Variants in ARGLU1 observed in about 807,000 individuals in gnomAD.
ARGLU1 encodes arginine and glutamate rich 1, also known as arginine and glutamate-rich protein 1.
Under a neutral mutation model 37.6 loss-of-function variants are expected in ARGLU1, and 9 were observed. That is an observed-to-expected ratio of 0.24 (90% confidence interval 0.14 to 0.42). The LOEUF (loss-of-function observed/expected upper bound fraction) is 0.42, where lower values mean the gene tolerates loss of function less well. Ranked by LOEUF, ARGLU1 falls within the 10% of genes least tolerant of loss-of-function variation. The pLI, the probability that ARGLU1 is intolerant of heterozygous loss-of-function variation, is 1.00. For synonymous variants in ARGLU1, 166 were observed against 138.5 expected (o/e 1.20, Z -1.39); for missense variants, 211 against 359.2 (o/e 0.59, Z 3.34).
chr13:106,556,043 A>G (rs940231548), intron 3 of ARGLU1, among the ~76,000 whole-genome samples: 2 of 152,098 alleles, frequency 1.3e-5, no homozygotes, highest in African/African-American at 4.8e-5. Context: ...TCTTCTTCCT[A>G]TCTGCACTGA....
chr13:106,558,024 T>C, intron 2 of ARGLU1: 8 of 985,334 alleles, frequency 8.1e-6, no homozygotes, highest in Non-Finnish European at 9.6e-6. Context: ...GCAAACTGTA[T>C]GAAGACTGCT....
chr13:106,562,247 AATTTTAAAT>A (rs1880826465), intron 1 of ARGLU1, among the ~76,000 whole-genome samples: 2 of 152,182 alleles, frequency 1.3e-5, no homozygotes, highest in African/African-American at 4.8e-5. Context: ...ATCAGAAAAA[AATTTTAAAT>A]CAAATTTTAG....
chr13:106,555,081 G>C (rs1880629756), intron 3 of ARGLU1, among the ~76,000 whole-genome samples: 1 of 151,788 alleles, frequency 6.6e-6, no homozygotes, highest in Non-Finnish European at 1.5e-5. Flanking sequence ...CTCTGGGCCA[G>C]GAGCGGTGGC....
At chr13:106,544,962 C>T (rs1167423730) in intron 3 of ARGLU1, among the ~76,000 whole-genome samples, 3 of 152,216 alleles carry the variant, frequency 2.0e-5, no homozygotes, top group South Asian at 2.1e-4. Context: ...ACTTCTTTCC[C>T]GCATTCTTCC....
chr13:106,567,080 T>C lies in ARGLU1; in HGVS notation c.347+493A>G, dbSNP rs187337139. Reference sequence around the variant, plus strand: ...ACCTAAAGTGTATGATTCCCGAGATTAGTTAAGTCCTGTCCCAAATTTGAG... The same window carrying C: ...ACCTAAAGTGTATGATTCCCGAGATCAGTTAAGTCCTGTCCCAAATTTGAG... On this transcript the variant is annotated intron_variant, in intron 1 of 3. Transcript: ENST00000400198. This position sits in a 1 kb window ranked among gnomAD's most constrained non-coding sequence, Gnocchi z 4.3. Among the ~76,000 whole-genome samples the C allele has an allele frequency of 5.3e-4, 80 of 152,198 alleles. No individual in the cohort carries two copies. The highest frequency in any genetic ancestry group is 9.9e-4 in the Non-Finnish European group (67 of 68,012).
rs59373729 is a variant in ARGLU1, at chr13:106,561,424, T to TACACAC, written c.348-1773_348-1768dup. Among the ~76,000 whole-genome samples the TACACAC allele has an allele frequency of 3.5e-3, 522 of 147,964 alleles. 2 individuals are homozygous for TACACAC. Among genetic ancestry groups the TACACAC allele is most frequent in the African/African-American group, 8.2e-3 (329 of 40,046 alleles). On this transcript the variant is annotated intron_variant, in intron 1 of 3. Transcript: ENST00000400198. ...TATGTAAATTTCTCATAATAAAGTG[T>TACACAC]ACACACACACACACACACACACACA...
At chr13:106,546,437 T>C (rs1265135289) in intron 3 of ARGLU1, among the ~76,000 whole-genome samples, 1 of 152,236 alleles carries the variant, frequency 6.6e-6, no homozygotes, top group Non-Finnish European at 1.5e-5. Flanking sequence ...ATGCCATTCT[T>C]TCCTTCTATG....
intron 1 of ARGLU1, among the ~76,000 whole-genome samples, chr13:106,566,529 C>G (rs372739315): frequency 1.9e-4 from 29 of 152,304 alleles, no homozygotes; most frequent in African/African-American, 6.5e-4. Context: ...TTCAAATCTA[C>G]TTTTCAATGC....
rs1250644347 is a variant in ARGLU1 at position 106,542,812 on chromosome 13, A to C, written c.*1184T>G. The C allele has an allele frequency of 6.6e-6, 1 of 151,396 alleles. No individual in the cohort carries two copies. Among genetic ancestry groups the C allele is most frequent in the East Asian group, 1.9e-4 (1 of 5,184 alleles). 9.4% of individuals were successfully genotyped at this position (151,396 alleles called of 1,614,324 possible). ...GTGTATAAAATGAAAGCCATTCATA[A>C]GATTTCACATGCAAAAAAAAAAAAA... On this transcript the variant is annotated 3_prime_UTR_variant, in exon 4 of 4. Transcript: ENST00000400198.
chr13:106,546,071 T>C (rs1880381885), intron 3 of ARGLU1, among the ~76,000 whole-genome samples: 1 of 152,216 alleles, frequency 6.6e-6, no homozygotes, highest in Non-Finnish European at 1.5e-5. Context: ...ATCTCTTCCT[T>C]CTTCAGTCAA....
intron 3 of ARGLU1, among the ~76,000 whole-genome samples, chr13:106,553,344 A>G (rs1488494541): frequency 1.3e-5 from 2 of 152,212 alleles, no homozygotes; most frequent in Non-Finnish European, 2.9e-5. Context: ...TTGGCTACAG[A>G]AAAACCCACT....
At chr13:106,548,652 T>A (rs901750895) in intron 3 of ARGLU1, among the ~76,000 whole-genome samples, 4 of 152,136 alleles carry the variant, frequency 2.6e-5, no homozygotes, top group Admixed American at 2.6e-4. Context: ...TACCCCAAGC[T>A]AAAGAGTGAC....
chr13:106,568,037 G>C lies in ARGLU1; in HGVS notation c.-118C>G. 2 of 1,416,202 alleles carry C rather than the reference G, an allele frequency of 1.4e-6. No homozygotes were observed. The highest frequency in any genetic ancestry group is 9.2e-7 in the Non-Finnish European group (1 of 1,084,294). 87.7% of individuals were successfully genotyped at this position (1,416,202 alleles called of 1,614,324 possible). Reference sequence around the variant, plus strand: ...CGAGGCCGGAGGAAAGAAAGGTGTCGGCCAACGGACTTTATGCCTTTTCCC... The same window carrying C: ...CGAGGCCGGAGGAAAGAAAGGTGTCCGCCAACGGACTTTATGCCTTTTCCC... On this transcript the variant is annotated 5_prime_UTR_variant, in exon 1 of 4. Transcript: ENST00000400198.
At chr13:106,547,728 C>G (rs1880429276) in intron 3 of ARGLU1, among the ~76,000 whole-genome samples, 1 of 152,040 alleles carries the variant, frequency 6.6e-6, no homozygotes, top group Non-Finnish European at 1.5e-5. Context: ...TTTTAAAAAC[C>G]CGTAACTGAG....
intron 3 of ARGLU1, among the ~76,000 whole-genome samples, chr13:106,552,468 C>T (rs752183266): frequency 6.6e-6 from 1 of 152,106 alleles, no homozygotes; most frequent in African/African-American, 2.4e-5. Flanking sequence ...CCAGGTTGTA[C>T]GGTTTGTATT....
At chr13:106,559,212 G>C in intron 2 of ARGLU1, 1 of 1,505,790 alleles carries the variant, frequency 6.6e-7, no homozygotes, top group Non-Finnish European at 8.9e-7. Flanking sequence ...AAATCAAAAA[G>C]TATCCTTGAA....
intron 1 of ARGLU1, among the ~76,000 whole-genome samples, chr13:106,564,124 C>T (rs533245953): frequency 6.6e-6 from 1 of 152,238 alleles, no homozygotes; most frequent in Admixed American, 6.5e-5. Flanking sequence ...GAATTTTGAA[C>T]CATGTGAACT....
intron 2 of ARGLU1, chr13:106,558,520 T>C (rs544764787): frequency 1.0e-6 from 1 of 985,462 alleles, no homozygotes; most frequent in African/African-American, 1.7e-5. Flanking sequence ...TCATATTCAT[T>C]ATGCAAACTA....
Position 106,557,084 on chromosome 13 carries a change from C to T in ARGLU1, c.621G>A (p.Glu207=), listed in dbSNP as rs760098841. The T allele has an allele frequency of 6.2e-7, 1 of 1,614,072 alleles. No homozygotes were observed. Among genetic ancestry groups the T allele is most frequent in the South Asian group, 1.1e-5 (1 of 91,080 alleles). ...GTGCTTCTGCAATTTTTCGGTTATT[C>T]TCTTCCAGTATTCGCTCTAGCTCCT... ...KREELERILE[E]NNRKIAEAQA... Residue 207 remains glutamate (E), a synonymous_variant, in exon 3 of 4, where the codon GAG becomes GAA. Transcript: ENST00000400198. The surrounding 1 kb of genome is among the most constrained non-coding windows in gnomAD (Gnocchi z 5.0).
Sources: allele counts gnomAD v4.1 joint callset (sites outside exome capture counted in the v4.1 genomes callset), GRCh38; gene constraint gnomAD v4.1.1; non-coding constraint Gnocchi (gnomAD v3.1); transcripts MANE v1.5; gene names NCBI Gene and HGNC (gene_info 2026-07-23, HGNC 2026-07-21).